XKR9: variants seen among roughly 807,000 people sequenced by gnomAD.
XKR9 encodes XK-related protein 9.
A neutral mutation model predicts 32.0 loss-of-function variants in XKR9; 32 were observed. That is an observed-to-expected ratio of 1.00 (90% CI 0.76 to 1.34). The LOEUF is 1.34. Ranked by LOEUF, XKR9 falls within the 40% of genes most tolerant of loss-of-function variation. The pLI, the probability that XKR9 is intolerant of heterozygous loss-of-function variation, is 0.00. For synonymous variants in XKR9, 168 were observed against 143.4 expected (o/e 1.17, Z -1.22); for missense variants, 546 against 429.7 (o/e 1.27, Z -2.39).
chr8:71,059,321 C>A, the XKR9 span, among the ~76,000 whole-genome samples: 1 of 152,196 alleles, frequency 6.6e-6, no homozygotes, highest in Non-Finnish European at 1.5e-5. Context: ...AAGGTGATTT[C>A]TTTTTACTGA....
chr8:71,037,284 C>T, the XKR9 span, among the ~76,000 whole-genome samples: 1 of 152,126 alleles, frequency 6.6e-6, no homozygotes, highest in East Asian at 1.9e-4. Flanking sequence ...TAATTAAAAT[C>T]ATATTATTGG....
At chr8:70,961,969 T>A in the XKR9 span, among the ~76,000 whole-genome samples, 39 of 152,184 alleles carry the variant, frequency 2.6e-4, no homozygotes, top group African/African-American at 7.7e-4. Flanking sequence ...GTCCACATTT[T>A]AAAAAATTAT....
chr8:70,985,068 C>T, the XKR9 span, among the ~76,000 whole-genome samples: 112 of 151,916 alleles, frequency 7.4e-4, no homozygotes, highest in African/African-American at 2.5e-3. Flanking sequence ...GATAATTTTC[C>T]AAAAACAAAA....
chr8:70,846,467 G>T, the XKR9 span, among the ~76,000 whole-genome samples: 3 of 151,566 alleles, frequency 2.0e-5, no homozygotes, highest in Non-Finnish European at 4.4e-5. Flanking sequence ...GAGAAAGAAA[G>T]GAACAAAGAT....
chr8:70,694,679 G>A (rs1313144889), intron 3 of XKR9, among the ~76,000 whole-genome samples: 1 of 152,214 alleles, frequency 6.6e-6, no homozygotes, highest in Non-Finnish European at 1.5e-5. Context: ...TGCCTTCTTA[G>A]GGAGGTGCAA....
the XKR9 span, among the ~76,000 whole-genome samples, chr8:70,858,589 C>A: frequency 6.6e-6 from 1 of 152,152 alleles, no homozygotes; most frequent in African/African-American, 2.4e-5. Flanking sequence ...GGAGGCATCA[C>A]ATTACCCGAC....
At chr8:70,850,260 G>A in the XKR9 span, among the ~76,000 whole-genome samples, 44 of 152,066 alleles carry the variant, frequency 2.9e-4, 1 homozygote, top group African/African-American at 1.0e-3. Flanking sequence ...AGGAGATAGA[G>A]ACCATCCTTG....
At chr8:70,843,137 A>G in the XKR9 span, among the ~76,000 whole-genome samples, 1 of 152,230 alleles carries the variant, frequency 6.6e-6, no homozygotes, top group Admixed American at 6.5e-5. Flanking sequence ...AGACAAATAT[A>G]CAGGCTTAAT....
chr8:70,992,118 C>G, the XKR9 span, among the ~76,000 whole-genome samples: 15 of 152,200 alleles, frequency 9.9e-5, no homozygotes, highest in Non-Finnish European at 1.8e-4. Flanking sequence ...TTTGATGTAC[C>G]CTGCAAACTG....
At chr8:70,854,759 G>C in the XKR9 span, among the ~76,000 whole-genome samples, 1 of 152,126 alleles carries the variant, frequency 6.6e-6, no homozygotes, top group Admixed American at 6.5e-5. Flanking sequence ...AGTTTTCCCA[G>C]CACCATTTAT....
At chr8:70,960,248 C>T in the XKR9 span, among the ~76,000 whole-genome samples, 6 of 132,138 alleles carry the variant, frequency 4.5e-5, no homozygotes, top group African/African-American at 7.7e-5. Context: ...TCCGTCCCCC[C>T]CAAAAAAAAA....
the XKR9 span, among the ~76,000 whole-genome samples, chr8:70,808,682 C>T: frequency 1.3e-3 from 202 of 152,344 alleles, 1 homozygote; most frequent in Middle Eastern, 6.8e-3. Context: ...CCTACACCCA[C>T]GGAGCCTTGC....
At chr8:70,721,329 C>T (rs1806274778) in intron 4 of XKR9, among the ~76,000 whole-genome samples, 1 of 151,876 alleles carries the variant, frequency 6.6e-6, no homozygotes, top group Non-Finnish European at 1.5e-5. Flanking sequence ...TTAGTTATTT[C>T]TTGTCTTCTG....
At chr8:70,869,555 G>A in the XKR9 span, among the ~76,000 whole-genome samples, 2 of 152,072 alleles carry the variant, frequency 1.3e-5, no homozygotes, top group African/African-American at 4.8e-5. Flanking sequence ...CCCACAACAC[G>A]TGGGAATTCA....
At chr8:70,957,640 G>A in the XKR9 span, among the ~76,000 whole-genome samples, 1 of 152,002 alleles carries the variant, frequency 6.6e-6, no homozygotes, top group African/African-American at 2.4e-5. Context: ...GTGGTATTTG[G>A]TTTTCTCTTC....
the XKR9 span, among the ~76,000 whole-genome samples, chr8:70,913,947 A>G: frequency 6.6e-6 from 1 of 152,078 alleles, no homozygotes; most frequent in Non-Finnish European, 1.5e-5. Context: ...TTTACAGCTG[A>G]TAGTATTCCT....
At chr8:70,684,253 T>C (rs1322428722) in intron 3 of XKR9, among the ~76,000 whole-genome samples, 2 of 152,192 alleles carry the variant, frequency 1.3e-5, no homozygotes, top group East Asian at 3.8e-4. Flanking sequence ...TTACTATATT[T>C]AGTGTTTCTT....
At chr8:70,882,032 A>G in the XKR9 span, among the ~76,000 whole-genome samples, 2 of 151,934 alleles carry the variant, frequency 1.3e-5, no homozygotes. Context: ...CAAACACCAC[A>G]TGTTCTCACT....
the XKR9 span, among the ~76,000 whole-genome samples, chr8:70,971,863 C>T: frequency 6.6e-6 from 1 of 152,010 alleles, no homozygotes; most frequent in African/African-American, 2.4e-5. Context: ...GTGACTATGG[C>T]CTTATAGTAT....
Sources: gnomAD v4.1 joint callset for allele counts (sites outside exome capture counted in the v4.1 genomes callset) on GRCh38, gnomAD v4.1.1 for gene constraint, MANE v1.5 for transcripts, NCBI Gene and HGNC (gene_info 2026-07-23, HGNC 2026-07-21) for gene names.